BPTF: variants seen among roughly 807,000 people sequenced by gnomAD.
BPTF encodes the protein bromodomain PHD finger transcription factor.
BPTF carries 18 observed loss-of-function variants against 292.5 expected under a neutral mutation model. The observed-to-expected ratio is 0.06, with a 90% CI of 0.04 to 0.09. BPTF has a LOEUF of 0.09. Among genes scored for constraint, BPTF ranks in the 10% least tolerant of loss-of-function variants. The pLI is 1.00. For synonymous variants in BPTF, 1,225 were observed against 1,251.9 expected, an observed-to-expected ratio of 0.98 and a Z score of 0.45; for missense variants, 2,726 against 3,498.7, an observed-to-expected ratio of 0.78 and a Z score of 5.57.
rs2070591306 is a variant in BPTF at position 67,983,067 on chromosome 17, G to A, written c.*779G>A. Reference sequence around the variant, plus strand: ...GAAGGTATCTTGTTTGTAAACATTTGTCAGATTCTAATTTTTTTCTTTTGT... The same window carrying A: ...GAAGGTATCTTGTTTGTAAACATTTATCAGATTCTAATTTTTTTCTTTTGT... On this transcript the variant is annotated 3_prime_UTR_variant, in exon 28 of 28. Coordinates refer to ENST00000306378, the MANE Select transcript of BPTF (RefSeq NM_182641.4). 1 of 152,348 alleles carries A rather than the reference G, an allele frequency of 6.6e-6. No homozygotes were observed. The highest frequency in any genetic ancestry group is 2.4e-5 in the African/African-American group (1 of 41,456). 9.4% of individuals were successfully genotyped at this position (152,348 alleles called of 1,614,324 possible).
chr17:67,893,914 A>AT lies in BPTF; in HGVS notation c.2412-115dup, dbSNP rs2061282937. 4 of 1,317,526 alleles carry AT rather than the reference A, an allele frequency of 3.0e-6. No individual in the cohort carries two copies. The East Asian group carries it at 9.3e-5, about 31-fold the overall frequency. 81.6% of individuals were successfully genotyped at this position (1,317,526 alleles called of 1,614,324 possible). On this transcript the variant is annotated intron_variant, in intron 6 of 27. Coordinates refer to ENST00000306378, the MANE Select transcript of BPTF (RefSeq NM_182641.4). ...ACCGACACCACTAACTATTTGGAGG[A>AT]TTTTTAGGAGTCATCGTCTTTATAC...
Position 67,825,673 on chromosome 17 carries a change from T to A in BPTF, c.-52T>A, listed in dbSNP as rs1390493186. On this transcript the variant is annotated 5_prime_UTR_variant, in exon 1 of 28. Coordinates refer to ENST00000306378, the MANE Select transcript of BPTF (RefSeq NM_182641.4). ...CCCCGGCGCTCCCCACCGCCCCCCCTGCGCCCGCCCCTCCCCCTTCGCTTT... is the reference window on the plus strand; with the variant it reads ...CCCCGGCGCTCCCCACCGCCCCCCCAGCGCCCGCCCCTCCCCCTTCGCTTT... 1.2e-3 allele frequency: 84 copies of A among 69,058 alleles called. No homozygotes were observed. The highest frequency in any genetic ancestry group is 2.1e-3 in the Non-Finnish European group (82 of 39,994). 4.3% of individuals were successfully genotyped at this position (69,058 alleles called of 1,614,324 possible).
At chr17:67,957,859 A>G (rs2067104145) in intron 23 of BPTF, among the ~76,000 whole-genome samples, 4 of 152,230 alleles carry the variant, frequency 2.6e-5, no homozygotes, top group Middle Eastern at 3.2e-3. Context: ...CTGTCTCCAC[A>G]TAAGAAATAC....
At chr17:67,835,463 G>A (rs936292048) in intron 1 of BPTF, among the ~76,000 whole-genome samples, 1 of 152,150 alleles carries the variant, frequency 6.6e-6, no homozygotes, top group Non-Finnish European at 1.5e-5. Flanking sequence ...CACAGCTTGG[G>A]TAGCCCCAGC....
At chr17:67,852,864 G>A (rs8079555) in intron 1 of BPTF, among the ~76,000 whole-genome samples, 28 of 152,156 alleles carry the variant, frequency 1.8e-4, no homozygotes, top group African/African-American at 5.3e-4. Context: ...GGCCGGGTGC[G>A]GTGGCTCACG....
At chr17:67,891,767 CG>C (rs2061131028) in intron 4 of BPTF, 76 bp from the exon 5 acceptor site, 3 of 1,128,982 alleles carry the variant, frequency 2.7e-6, no homozygotes, top group Middle Eastern at 2.1e-4. Context: ...ACACCAGATA[CG>C]AGTTTTGGTG....
intron 11 of BPTF, among the ~76,000 whole-genome samples, chr17:67,913,565 A>G (rs75603292): frequency 0.017 from 2,614 of 152,310 alleles, 66 homozygotes; most frequent in African/African-American, 0.055. Context: ...TTATTAGGTA[A>G]TTCATAAAAA....
intron 1 of BPTF, among the ~76,000 whole-genome samples, chr17:67,836,521 C>T (rs2057145615): frequency 6.6e-6 from 1 of 152,162 alleles, no homozygotes; most frequent in African/African-American, 2.4e-5. Context: ...ATACTTGTCT[C>T]AAGAGATGGT....
chr17:67,971,401 A>G (rs1367779053), intron 26 of BPTF, among the ~76,000 whole-genome samples: 3 of 151,972 alleles, frequency 2.0e-5, no homozygotes, highest in African/African-American at 7.3e-5. Context: ...TTTTTTAAAA[A>G]CAATGTCCAG....
chr17:67,874,254 A>T (rs1044976333), intron 3 of BPTF, among the ~76,000 whole-genome samples: 1 of 152,208 alleles, frequency 6.6e-6, no homozygotes, highest in South Asian at 2.1e-4. Context: ...GAAAGAGGGT[A>T]GGTGTACTAA....
chr17:67,933,749 A>G (rs1450750279), intron 18 of BPTF, among the ~76,000 whole-genome samples: 2 of 152,130 alleles, frequency 1.3e-5, no homozygotes, highest in Admixed American at 6.5e-5. Flanking sequence ...TCTGAAATAC[A>G]CATTCATTTA....
intron 2 of BPTF, among the ~76,000 whole-genome samples, chr17:67,863,348 G>A (rs2059198869): frequency 6.6e-6 from 1 of 152,044 alleles, no homozygotes; most frequent in Non-Finnish European, 1.5e-5. Context: ...GCAGTGGCAC[G>A]ATCTCGGCTC....
chr17:67,959,497 C>T, intron 23 of BPTF, 44 bp from the exon 24 acceptor site: 1 of 1,437,768 alleles, frequency 7.0e-7, no homozygotes, highest in Non-Finnish European at 9.3e-7. Context: ...CACACATTTA[C>T]ATGACTCTAA....
rs1555674306 is a variant in BPTF at position 67,945,581 on chromosome 17, T to C, written c.6873T>C (p.Pro2291=). 1.3e-6 allele frequency: 2 copies of C among 1,599,870 alleles called. No homozygotes were observed. The highest frequency in any genetic ancestry group is 1.1e-5 in the South Asian group (1 of 90,558). The change falls in exon 21 of 28, where the codon CCT becomes CCC. Residue 2291 remains proline (P), a synonymous_variant. Transcript: ENST00000306378. Reference sequence around the variant, plus strand: ...CCCAGCCCCAGTCCCCAGCTCAGCCTGAAGTTCAGACTCAGCCTGAAGTTC... The same window carrying C: ...CCCAGCCCCAGTCCCCAGCTCAGCCCGAAGTTCAGACTCAGCCTGAAGTTC... The part of the protein sequence containing the change: ...PQTQPQSPAQ[P]EVQTQPEVQT...
intron 2 of BPTF, among the ~76,000 whole-genome samples, chr17:67,861,002 C>T (rs1598300112): frequency 1.3e-5 from 2 of 152,312 alleles, no homozygotes; most frequent in South Asian, 2.1e-4. Context: ...CTTCTGTCCA[C>T]GTTCAGTTCT....
At chr17:67,826,738 G>A (rs562736530) in intron 1 of BPTF, among the ~76,000 whole-genome samples, 168 of 152,080 alleles carry the variant, frequency 1.1e-3, no homozygotes, top group Non-Finnish European at 2.0e-3. Flanking sequence ...CTCTTGTTTT[G>A]CAAACCTCTT....
At chr17:67,860,692 C>T (rs2059021927) in intron 2 of BPTF, among the ~76,000 whole-genome samples, 1 of 152,162 alleles carries the variant, frequency 6.6e-6, no homozygotes, top group South Asian at 2.1e-4. Flanking sequence ...CTGTCACTCT[C>T]CATTCTAAAT....
intron 4 of BPTF, among the ~76,000 whole-genome samples, 160 bp downstream of exon 4, chr17:67,875,180 A>G (rs1287535056): frequency 2.6e-5 from 4 of 152,202 alleles, no homozygotes; most frequent in Non-Finnish European, 5.9e-5. Flanking sequence ...GTGTGTAACA[A>G]TTGTAATGAG....
intron 17 of BPTF, among the ~76,000 whole-genome samples, chr17:67,931,559 G>C (rs1158950045): frequency 6.6e-6 from 1 of 152,130 alleles, no homozygotes; most frequent in Non-Finnish European, 1.5e-5. Flanking sequence ...ATATTCTGTG[G>C]GTTACAGGTA....
Sources: allele counts gnomAD v4.1 joint callset (sites outside exome capture counted in the v4.1 genomes callset), GRCh38; gene constraint gnomAD v4.1.1; transcripts MANE v1.5; gene names NCBI Gene and HGNC (gene_info 2026-07-23, HGNC 2026-07-21).